The following ST3GAL3 variants were observed in gnomAD, a reference collection of about 807,000 sequenced individuals.
The protein encoded by ST3GAL3 is CMP-N-acetylneuraminate-beta-1,4-galactoside alpha-2,3-sialyltransferase.
Under a neutral mutation model 50.1 loss-of-function variants are expected in ST3GAL3, and 21 were observed. The observed-to-expected ratio is 0.42, with a 90% CI of 0.30 to 0.60. The LOEUF (loss-of-function observed/expected upper bound fraction) is 0.60. ST3GAL3 is among the 20% of genes least tolerant of loss of function. The pLI is 0.19. For missense variants in ST3GAL3, 353 were observed against 489.4 expected, an observed-to-expected ratio of 0.72 and a Z score of 2.63; for synonymous variants, 183 against 190.0, an observed-to-expected ratio of 0.96 and a Z score of 0.30.
intron 9 of ST3GAL3, among the ~76,000 whole-genome samples, chr1:43,917,618 T>TATATA (rs2082225390): frequency 1.3e-5 from 1 of 74,094 alleles, no homozygotes; most frequent in Non-Finnish European, 2.4e-5. Flanking sequence ...TATTATATAT[T>TATATA]ATATTATATA....
At chr1:43,719,389 CG>C (rs1455089623) in intron 1 of ST3GAL3, among the ~76,000 whole-genome samples, 1 of 149,388 alleles carries the variant, frequency 6.7e-6, no homozygotes. Flanking sequence ...GGGCCAGGCA[CG>C]GTGGCTCATG....
chr1:43,725,821 A>C (rs1354076068), intron 1 of ST3GAL3, among the ~76,000 whole-genome samples: 1 of 151,650 alleles, frequency 6.6e-6, no homozygotes, highest in East Asian at 1.9e-4. Context: ...TAATTTTTGT[A>C]TTTTTTGTAG....
intron 1 of ST3GAL3, among the ~76,000 whole-genome samples, chr1:43,729,095 T>C (rs561564088): frequency 2.7e-5 from 4 of 148,754 alleles, no homozygotes; most frequent in South Asian, 4.3e-4. Flanking sequence ...TTTTCTTTTT[T>C]TTTTTTTTTT....
chr1:43,798,680 A>G (rs1261593730), intron 3 of ST3GAL3, among the ~76,000 whole-genome samples: 1 of 152,116 alleles, frequency 6.6e-6, no homozygotes, highest in Non-Finnish European at 1.5e-5. Context: ...GTCCTTCTCT[A>G]AAAAAGTATG....
At chr1:43,887,291 G>T (rs1167427493) in intron 5 of ST3GAL3, among the ~76,000 whole-genome samples, 1 of 152,144 alleles carries the variant, frequency 6.6e-6, no homozygotes, top group African/African-American at 2.4e-5. Context: ...TAAATCTCTG[G>T]TTGGATTTTG....
At chr1:43,743,949 A>G (rs931373684) in intron 2 of ST3GAL3, among the ~76,000 whole-genome samples, 2 of 150,824 alleles carry the variant, frequency 1.3e-5, no homozygotes, top group African/African-American at 4.9e-5. Flanking sequence ...TTTGATTACC[A>G]TCAAATGGAT....
chr1:43,924,470 G>A (rs957065349), intron 11 of ST3GAL3, among the ~76,000 whole-genome samples: 5 of 152,220 alleles, frequency 3.3e-5, no homozygotes, highest in Non-Finnish European at 5.9e-5. Flanking sequence ...TGGCCAAATC[G>A]CAATGGGCTT....
chr1:43,788,212 T>A (rs1048213197), intron 2 of ST3GAL3, among the ~76,000 whole-genome samples: 1 of 152,252 alleles, frequency 6.6e-6, no homozygotes, highest in Non-Finnish European at 1.5e-5. Context: ...TTTAGTCTTT[T>A]AGTTAACTTT....
At chr1:43,865,043 G>T (rs2070974489) in intron 5 of ST3GAL3, among the ~76,000 whole-genome samples, 2 of 147,104 alleles carry the variant, frequency 1.4e-5, no homozygotes, top group Admixed American at 1.4e-4. Flanking sequence ...TTGAGACAGA[G>T]TCTTGCTCTG....
At chr1:43,772,011 C>T (rs1440535400) in intron 2 of ST3GAL3, 4 of 393,442 alleles carry the variant, frequency 1.0e-5, no homozygotes, top group African/African-American at 2.1e-5. Flanking sequence ...TGAAACTGAG[C>T]GTATCCTGCA....
At chr1:43,726,182 A>G (rs1672838957) in intron 1 of ST3GAL3, among the ~76,000 whole-genome samples, 1 of 152,186 alleles carries the variant, frequency 6.6e-6, no homozygotes, top group Admixed American at 6.5e-5. Flanking sequence ...CCCTTCAGCT[A>G]GCTTATTGTG....
At chr1:43,926,968 CTTT>C (rs1486007563) in intron 11 of ST3GAL3, among the ~76,000 whole-genome samples, 1 of 152,226 alleles carries the variant, frequency 6.6e-6, no homozygotes. Context: ...TCCATCTCTT[CTTT>C]GTCTCATGCT....
At chr1:43,894,181 C>T in intron 5 of ST3GAL3, 1 of 630,270 alleles carries the variant, frequency 1.6e-6, no homozygotes, top group East Asian at 2.9e-5. Flanking sequence ...ACCAGGCCTA[C>T]TCCCTCAGAC....
intron 5 of ST3GAL3, among the ~76,000 whole-genome samples, chr1:43,891,424 C>T (rs1442215341): frequency 6.6e-6 from 1 of 152,158 alleles, no homozygotes; most frequent in Non-Finnish European, 1.5e-5. Context: ...ACAAAATTAA[C>T]CGGGCATGAT....
chr1:43,811,846 C>T (rs149554797), intron 3 of ST3GAL3, among the ~76,000 whole-genome samples: 203 of 152,294 alleles, frequency 1.3e-3, no homozygotes, highest in African/African-American at 4.7e-3. Context: ...CCCACAAAGA[C>T]GTTTTTTGAA....
chr1:43,805,890 C>CA (rs2059819286), intron 3 of ST3GAL3, among the ~76,000 whole-genome samples: 1 of 152,170 alleles, frequency 6.6e-6, no homozygotes, highest in African/African-American at 2.4e-5. Flanking sequence ...CACGCACCAC[C>CA]ACACCCGGCT....
intron 5 of ST3GAL3, chr1:43,842,285 C>T (rs1298952755): frequency 6.6e-6 from 1 of 152,128 alleles, no homozygotes; most frequent in Non-Finnish European, 1.5e-5. Flanking sequence ...GTCACTTCCA[C>T]ATTTTTAGAT....
chr1:43,717,495 T>C (rs2154067107), intron 1 of ST3GAL3, among the ~76,000 whole-genome samples: 1 of 151,216 alleles, frequency 6.6e-6, no homozygotes, highest in African/African-American at 2.5e-5. Context: ...CTTTTTTCTT[T>C]TCTAATTTTT....
intron 2 of ST3GAL3, chr1:43,739,454 GTCT>G (rs909527603): frequency 6.6e-6 from 1 of 152,040 alleles, no homozygotes. Flanking sequence ...AGCTCAAGTG[GTCT>G]TCTCACCTCA....
Sources: gnomAD v4.1 joint callset for allele counts (sites outside exome capture counted in the v4.1 genomes callset) on GRCh38, gnomAD v4.1.1 for gene constraint, MANE v1.5 for transcripts, NCBI Gene and HGNC (gene_info 2026-07-23, HGNC 2026-07-21) for gene names.